The following SEMA6D variants were observed in gnomAD, a reference collection of about 807,000 sequenced individuals.
The protein encoded by SEMA6D is semaphorin 6D.
In SEMA6D, 35 loss-of-function variants were observed where a neutral mutation model predicts 106.6. That is an observed-to-expected ratio of 0.33 (90% CI 0.25 to 0.44). The LOEUF is 0.44. Ranked by LOEUF, SEMA6D falls within the 20% of genes least tolerant of loss-of-function variation. The probability of loss-of-function intolerance (pLI) is 1.00; values close to 1 mark genes in which losing one functional copy is unlikely to be tolerated. For synonymous variants in SEMA6D, 499 were observed against 487.7 expected (o/e 1.02, Z -0.31); for missense variants, 1,185 against 1,345.9 (o/e 0.88, Z 1.87).
intron 2 of SEMA6D, among the ~76,000 whole-genome samples, chr15:47,456,447 G>A (rs1355690867): frequency 6.6e-6 from 1 of 151,902 alleles, no homozygotes; most frequent in Non-Finnish European, 1.5e-5. Flanking sequence ...ACAGTCCTTA[G>A]AGATATCTGG....
chr15:47,578,460 T>C (rs2076195673), intron 3 of SEMA6D, among the ~76,000 whole-genome samples: 1 of 152,180 alleles, frequency 6.6e-6, no homozygotes, highest in Non-Finnish European at 1.5e-5. Flanking sequence ...CTCTAAAATC[T>C]CAACTAAATG....
At chr15:47,357,518 C>T (rs965332473) in intron 1 of SEMA6D, among the ~76,000 whole-genome samples, 1 of 152,096 alleles carries the variant, frequency 6.6e-6, no homozygotes, top group Non-Finnish European at 1.5e-5. Context: ...CAAGGAGAGC[C>T]AGTCTGAGTT....
intron 1 of SEMA6D, among the ~76,000 whole-genome samples, chr15:47,217,694 T>C (rs563699117): frequency 2.0e-5 from 3 of 151,968 alleles, no homozygotes; most frequent in African/African-American, 7.2e-5. Flanking sequence ...ATTTTACACC[T>C]TCCTATACTA....
chr15:47,696,952 GGTT>G (rs561691283), intron 4 of SEMA6D, among the ~76,000 whole-genome samples: 3 of 152,096 alleles, frequency 2.0e-5, no homozygotes. Flanking sequence ...TCATTCTTGC[GGTT>G]GTTGTCATCT....
chr15:47,224,763 A>G (rs2031510492), intron 1 of SEMA6D, among the ~76,000 whole-genome samples: 2 of 152,014 alleles, frequency 1.3e-5, no homozygotes, highest in Non-Finnish European at 2.9e-5. Flanking sequence ...ACCTGTTAAC[A>G]TCCACAACTC....
At chr15:47,244,022 A>G (rs1232687601) in intron 1 of SEMA6D, among the ~76,000 whole-genome samples, 1 of 152,192 alleles carries the variant, frequency 6.6e-6, no homozygotes, top group Non-Finnish European at 1.5e-5. Context: ...TAAGTGGTAT[A>G]AATAAAAATA....
At chr15:47,345,136 T>C (rs560543099) in intron 1 of SEMA6D, among the ~76,000 whole-genome samples, 6 of 152,322 alleles carry the variant, frequency 3.9e-5, no homozygotes, top group South Asian at 2.1e-4. Context: ...TATTAAGATA[T>C]CAATTTATCC....
chr15:47,379,211 T>C (rs1034012479), intron 1 of SEMA6D, among the ~76,000 whole-genome samples: 11 of 152,226 alleles, frequency 7.2e-5, no homozygotes, highest in Non-Finnish European at 1.3e-4. Context: ...TTTATAGCTT[T>C]TGGGATAGAA....
At chr15:47,332,502 T>C (rs1348222313) in intron 1 of SEMA6D, among the ~76,000 whole-genome samples, 3 of 152,216 alleles carry the variant, frequency 2.0e-5, no homozygotes, top group African/African-American at 7.2e-5. Context: ...CTTGGGAACA[T>C]GTCCCTAGGT....
intron 1 of SEMA6D, among the ~76,000 whole-genome samples, chr15:47,375,763 C>T (rs1384091140): frequency 6.6e-6 from 1 of 151,970 alleles, no homozygotes; most frequent in African/African-American, 2.4e-5. Flanking sequence ...AGTTTTATTC[C>T]ACTAATAAAT....
intron 3 of SEMA6D, among the ~76,000 whole-genome samples, chr15:47,505,470 A>G (rs1232464947): frequency 6.6e-6 from 1 of 152,192 alleles, no homozygotes; most frequent in Non-Finnish European, 1.5e-5. Context: ...TAAAAGACTG[A>G]TAAAGAACAT....
intron 4 of SEMA6D, among the ~76,000 whole-genome samples, chr15:47,601,722 A>T (rs1035680168): frequency 2.0e-5 from 3 of 152,190 alleles, no homozygotes; most frequent in Non-Finnish European, 4.4e-5. Flanking sequence ...CCAATTGAAA[A>T]TTTTAAAGTT....
chr15:47,431,145 T>C (rs769340023), intron 2 of SEMA6D, among the ~76,000 whole-genome samples: 47 of 152,306 alleles, frequency 3.1e-4, no homozygotes, highest in African/African-American at 1.0e-3. Flanking sequence ...ATTGGGCTCA[T>C]GGTCTCATTT....
chr15:47,719,348 A>G (rs1427821494), intron 1 of SEMA6D, among the ~76,000 whole-genome samples: 1 of 152,192 alleles, frequency 6.6e-6, no homozygotes, highest in Admixed American at 6.5e-5. Flanking sequence ...AGACTTCGTC[A>G]ACAGTCATTG....
intron 3 of SEMA6D, among the ~76,000 whole-genome samples, chr15:47,549,951 C>A (rs1352039558): frequency 1.3e-5 from 2 of 152,194 alleles, no homozygotes; most frequent in African/African-American, 4.8e-5. Flanking sequence ...TTGGATACCC[C>A]ACCCAGTTTT....
intron 3 of SEMA6D, among the ~76,000 whole-genome samples, chr15:47,518,895 AT>A (rs201327141): frequency 3.3e-5 from 5 of 151,578 alleles, no homozygotes; most frequent in Admixed American, 2.0e-4. Flanking sequence ...TTTGCAGTTA[AT>A]TTTTTTTTAT....
At chr15:47,673,382 T>G (rs919389177) in intron 4 of SEMA6D, among the ~76,000 whole-genome samples, 6 of 152,094 alleles carry the variant, frequency 3.9e-5, no homozygotes, top group African/African-American at 1.4e-4. Context: ...TCTGACAGAA[T>G]CAACATGAGC....
intron 1 of SEMA6D, among the ~76,000 whole-genome samples, chr15:47,386,447 G>A (rs2039842873): frequency 6.6e-6 from 1 of 152,188 alleles, no homozygotes; most frequent in Non-Finnish European, 1.5e-5. Context: ...GAGCAAAAAT[G>A]TGGAGTTAGA....
At chr15:47,668,056 A>C (rs749278602) in intron 4 of SEMA6D, among the ~76,000 whole-genome samples, 7 of 152,202 alleles carry the variant, frequency 4.6e-5, no homozygotes, top group Non-Finnish European at 1.0e-4. Flanking sequence ...AAACAAATAC[A>C]ATTAGTTAAA....
Sources: allele counts gnomAD v4.1 joint callset (sites outside exome capture counted in the v4.1 genomes callset), GRCh38; gene constraint gnomAD v4.1.1; transcripts MANE v1.5; gene names NCBI Gene and HGNC (gene_info 2026-07-23, HGNC 2026-07-21).